Variants in CDH12 observed in about 807,000 individuals in gnomAD.
CDH12 encodes cadherin-12.
Under a neutral mutation model 74.1 loss-of-function variants are expected in CDH12, and 41 were observed. That is an observed-to-expected ratio of 0.55 (90% confidence interval 0.43 to 0.72). The LOEUF (loss-of-function observed/expected upper bound fraction) is 0.72, where lower values mean the gene tolerates loss of function less well. Among genes scored for constraint, CDH12 ranks in the 30% least tolerant of loss-of-function variants. CDH12 has a pLI of 0.00. For missense variants in CDH12, 945 were observed against 977.2 expected (o/e 0.97, Z 0.44); for synonymous variants, 399 against 355.0 (o/e 1.12, Z -1.39).
intron 1 of CDH12, among the ~76,000 whole-genome samples, chr5:22,822,173 AG>A (rs1408068259): frequency 2.6e-5 from 4 of 151,910 alleles, no homozygotes; most frequent in African/African-American, 9.7e-5. Flanking sequence ...AAAACTGGCT[AG>A]CCATATGTAG....
chr5:22,247,545 C>T (rs556787832), intron 3 of CDH12, among the ~76,000 whole-genome samples: 4 of 152,072 alleles, frequency 2.6e-5, no homozygotes, highest in East Asian at 1.9e-4. Context: ...CATGGTGGCG[C>T]GTGCCTGTAG....
chr5:21,817,700 T>C (rs1320143280), intron 8 of CDH12, among the ~76,000 whole-genome samples: 4 of 152,000 alleles, frequency 2.6e-5, no homozygotes, highest in Non-Finnish European at 5.9e-5. Context: ...AAATATAGTA[T>C]ATTATAGACT....
At chr5:22,805,545 T>A (rs188194182) in intron 1 of CDH12, among the ~76,000 whole-genome samples, 218 of 152,286 alleles carry the variant, frequency 1.4e-3, no homozygotes, top group African/African-American at 5.0e-3. Context: ...TAATTTGTGA[T>A]CCTTATTATG....
chr5:22,190,875 T>C (rs911139525), intron 4 of CDH12, among the ~76,000 whole-genome samples: 2 of 152,218 alleles, frequency 1.3e-5, no homozygotes, highest in African/African-American at 4.8e-5. Flanking sequence ...AACTGGCGCA[T>C]GCCAATCTGT....
At chr5:22,707,794 T>G (rs1281197831) in intron 1 of CDH12, among the ~76,000 whole-genome samples, 2 of 152,298 alleles carry the variant, frequency 1.3e-5, no homozygotes, top group East Asian at 1.9e-4. Context: ...ACATATTTGA[T>G]GCTAAAACTT....
chr5:22,432,300 C>T (rs1053216449), intron 2 of CDH12, among the ~76,000 whole-genome samples: 1 of 152,026 alleles, frequency 6.6e-6, no homozygotes, highest in Non-Finnish European at 1.5e-5. Flanking sequence ...GTGTAGTAGG[C>T]TATACCAGCT....
intron 5 of CDH12, among the ~76,000 whole-genome samples, chr5:21,984,812 C>T (rs1757447236): frequency 6.6e-6 from 1 of 152,062 alleles, no homozygotes; most frequent in African/African-American, 2.4e-5. Flanking sequence ...CTAGATTAAA[C>T]CATTCTCAAC....
intron 8 of CDH12, among the ~76,000 whole-genome samples, chr5:21,826,913 AG>A (rs1200681315): frequency 6.6e-6 from 1 of 152,140 alleles, no homozygotes; most frequent in Non-Finnish European, 1.5e-5. Context: ...ATATTGGGAT[AG>A]GGAGAAAAAA....
At chr5:22,657,982 T>A (rs1462484543) in intron 1 of CDH12, among the ~76,000 whole-genome samples, 1 of 152,164 alleles carries the variant, frequency 6.6e-6, no homozygotes, top group Non-Finnish European at 1.5e-5. Flanking sequence ...TCATGATGGC[T>A]AAGGAGTTAA....
rs371043119 is a variant in CDH12 at position 22,284,976 on chromosome 5, T to C, written c.-332-72333A>G. On this transcript the variant is annotated intron_variant, in intron 3 of 14. Coordinates refer to ENST00000382254, the MANE Select transcript of CDH12 (RefSeq NM_004061.5). ...AAAAAAAAAAAAGCATTGAGCAAAG[T>C]ACAATTAAGTGTGTGTAAAGAATAT... is the stretch of plus-strand genomic sequence containing the variant. 2.5e-4 allele frequency among the ~76,000 whole-genome samples: 37 copies of C among 146,290 alleles called. No individual in the cohort carries two copies. The East Asian group carries it at 4.5e-3, about 18-fold the overall frequency.
At chr5:22,278,706 A>G in intron 3 of CDH12, among the ~76,000 whole-genome samples, 1 of 152,272 alleles carries the variant, frequency 6.6e-6, no homozygotes, top group East Asian at 1.9e-4. Flanking sequence ...TTTAATATAC[A>G]CAATTCTAGA....
chr5:22,764,631 A>G (rs544753995), intron 1 of CDH12, among the ~76,000 whole-genome samples: 2 of 152,164 alleles, frequency 1.3e-5, no homozygotes, highest in Non-Finnish European at 2.9e-5. Context: ...AATGTTAAAG[A>G]TTACATTAAT....
At chr5:22,622,276 C>A (rs189066382) in intron 1 of CDH12, among the ~76,000 whole-genome samples, 18 of 151,740 alleles carry the variant, frequency 1.2e-4, no homozygotes, top group African/African-American at 4.4e-4. Context: ...TAGATGCAAC[C>A]GAGAGGAACA....
At chr5:22,327,961 C>G (rs1739191584) in intron 3 of CDH12, among the ~76,000 whole-genome samples, 3 of 152,110 alleles carry the variant, frequency 2.0e-5, no homozygotes, top group Admixed American at 2.0e-4. Context: ...TATATCCATT[C>G]AAAAACAGAT....
intron 1 of CDH12, among the ~76,000 whole-genome samples, chr5:22,644,399 C>T (rs1739325311): frequency 6.6e-6 from 1 of 152,030 alleles, no homozygotes; most frequent in Admixed American, 6.6e-5. Flanking sequence ...GATTGAAGAT[C>T]AAACCAGCTA....
At chr5:22,640,359 T>C (rs926338369) in intron 1 of CDH12, among the ~76,000 whole-genome samples, 2 of 152,240 alleles carry the variant, frequency 1.3e-5, no homozygotes, top group Admixed American at 1.3e-4. Flanking sequence ...ATTACTTTAA[T>C]AATCTTAAAA....
chr5:22,363,467 A>G (rs938438846), intron 3 of CDH12, among the ~76,000 whole-genome samples: 3 of 152,220 alleles, frequency 2.0e-5, no homozygotes, highest in African/African-American at 4.8e-5. Context: ...GAATATGCCT[A>G]TGATGCCTAT....
At chr5:21,772,456 G>T (rs2149884988) in intron 11 of CDH12, among the ~76,000 whole-genome samples, 1 of 152,016 alleles carries the variant, frequency 6.6e-6, no homozygotes, top group South Asian at 2.1e-4. Flanking sequence ...TCCATTTCTA[G>T]AGCTTGATGT....
intron 5 of CDH12, among the ~76,000 whole-genome samples, chr5:22,061,544 C>T (rs1179692010): frequency 1.3e-5 from 2 of 152,068 alleles, no homozygotes; most frequent in Admixed American, 6.6e-5. Flanking sequence ...CACTCTTGTG[C>T]ACTCTATTTT....
Sources: gnomAD v4.1 joint callset for allele counts (sites outside exome capture counted in the v4.1 genomes callset) on GRCh38, gnomAD v4.1.1 for gene constraint, MANE v1.5 for transcripts, NCBI Gene and HGNC (gene_info 2026-07-23, HGNC 2026-07-21) for gene names.